The following SIX4 variants were observed in gnomAD, a reference collection of about 807,000 sequenced individuals.
The protein encoded by SIX4 is SIX homeobox 4, also known as homeobox protein SIX4.
Under a neutral mutation model 51.5 loss-of-function variants are expected in SIX4, and 23 were observed. The ratio of observed to expected loss-of-function variants is 0.45; its 90% CI spans 0.32 to 0.63. The LOEUF is 0.63. Among genes scored for constraint, SIX4 ranks in the 30% least tolerant of loss-of-function variants. SIX4 has a pLI of 0.04. For synonymous variants in SIX4, 413 were observed against 417.3 expected (o/e 0.99, Z 0.13); for missense variants, 867 against 984.0 (o/e 0.88, Z 1.59).
At position 60,723,838 on chromosome 14, in the gene SIX4, C is replaced by CCCTTCACAGAA. The variant is rs1437411864; in HGVS notation, c.236_237insTTCTGTGAAGG (p.Ala80SerfsTer74). ...AGTGGAGTTGTACCTGATCCGCCGC[C>CCCTTCACAGAA]GCTCCGGCCGCCGCCGCCGCCACTG... is the stretch of plus-strand genomic sequence containing the variant. On this transcript the variant is annotated frameshift_variant, in exon 1 of 3. Coordinates refer to ENST00000216513, the MANE Select transcript of SIX4 (RefSeq NM_017420.5). LOFTEE classifies it high-confidence loss of function. 3.9e-6 allele frequency: 6 copies of CCCTTCACAGAA among 1,521,952 alleles called. No homozygotes were observed. The Admixed American group carries it at 1.4e-4, about 35-fold the overall frequency. The allele number at this position is 1,521,952 out of a possible 1,614,324, so 94.3% of individuals were successfully genotyped here.
Position 60,709,964 on chromosome 14 carries a change from G to T in SIX4, c.*3443C>A, listed in dbSNP as rs1370829256. On this transcript the variant is annotated 3_prime_UTR_variant, in exon 3 of 3. Transcript: ENST00000216513. The surrounding 1 kb of genome is among the most constrained non-coding windows in gnomAD (Gnocchi z 4.1). ...AAATTAACATAAAATGTATCAATTA[G>T]ATACAAAGTAACTGCTAGGCTCTAT... 1.3e-5 allele frequency: 2 copies of T among 152,600 alleles called. No individual in the cohort carries two copies. The highest frequency in any genetic ancestry group is 2.9e-5 in the Non-Finnish European group (2 of 68,026). 9.5% of individuals were successfully genotyped at this position (152,600 alleles called of 1,614,324 possible). A position where few individuals can be genotyped will look rare whatever the true frequency, so the allele number is the denominator to read the frequency against.
rs2140268700 is a variant in SIX4 at position 60,717,179 on chromosome 14, A to T, written c.1549+2581T>A. ...AACCTCCACCTCCTGGGTTCAAGCG[A>T]TTCTCCTGCCTCAGCCTCCTAAGTA... On this transcript the variant is annotated intron_variant, in intron 2 of 2. Transcript: ENST00000216513. This position sits in a 1 kb window ranked among gnomAD's most constrained non-coding sequence, Gnocchi z 4.6. 1 of 210,156 alleles carries T rather than the reference A, an allele frequency of 4.8e-6. No individual in the cohort carries two copies. The highest frequency in any genetic ancestry group is 7.1e-5 in the South Asian group (1 of 14,168). 13.0% of individuals were successfully genotyped at this position (210,156 alleles called of 1,614,324 possible). A position where few individuals can be genotyped will look rare whatever the true frequency, so the allele number is the denominator to read the frequency against.
Position 60,723,911 on chromosome 14 carries a change from G to T in SIX4, c.164C>A (p.Pro55Gln), listed in dbSNP as rs1284785963. The change falls in exon 1 of 3, where the codon CCG becomes CAG. Residue 55 changes from proline (P) to glutamine (Q), a missense_variant. Coordinates refer to ENST00000216513, the MANE Select transcript of SIX4 (RefSeq NM_017420.5). ...GGCGGCAGCGGTCGCGGCGTCCCCC[G>T]GCTCCAGGGGAAAAGGGGCTGGAGC... ...PPAPAPFPLE[P>Q]GDAATAAARV... 4 of 1,516,536 alleles carry T rather than the reference G, an allele frequency of 2.6e-6. No individual in the cohort carries two copies. Among genetic ancestry groups the T allele is most frequent in the Non-Finnish European group, 3.5e-6 (4 of 1,146,754 alleles). The allele number at this position is 1,516,536 out of a possible 1,614,324, so 93.9% of individuals were successfully genotyped here. A position where few individuals can be genotyped will look rare whatever the true frequency, so the allele number is the denominator to read the frequency against.
rs543848316 is a variant in SIX4, at chr14:60,714,671, C to CTT, written c.1550-470_1550-469dup. ...TCAAAGGTTCTGTTGCTTATTATTT[C>CTT]TTTTTTTTTTTTTCAGATGGAGTCT... is the stretch of plus-strand genomic sequence containing the variant. On this transcript the variant is annotated intron_variant, in intron 2 of 2. Transcript: ENST00000216513. Among the ~76,000 whole-genome samples the CTT allele has an allele frequency of 2.8e-3, 409 of 143,678 alleles. 1 individual carries two copies. The highest frequency in any genetic ancestry group is 0.026 in the East Asian group (132 of 5,016). The allele number at this position is 143,678 out of a possible 152,430, so 94.3% of individuals were successfully genotyped here.
intron 2 of SIX4, among the ~76,000 whole-genome samples, chr14:60,718,783 T>C (rs1413659309): frequency 1.3e-5 from 2 of 152,204 alleles, no homozygotes; most frequent in Non-Finnish European, 2.9e-5. Flanking sequence ...TAGACCATAG[T>C]TGTGGTAACA....
chr14:60,714,337 G>T, intron 2 of SIX4, 134 bp from the exon 3 acceptor site: 2 of 744,088 alleles, frequency 2.7e-6, no homozygotes, highest in Non-Finnish European at 4.1e-6. Context: ...GCCCAATTCT[G>T]GTTCAGAATT....
In SIX4 at chr14:60,713,823, A is replaced by G; in HGVS notation, c.1930T>C (p.Ser644Pro). Residue 644 changes from serine (S) to proline (P), a missense_variant, in exon 3 of 3, where the codon TCT becomes CCT. Physicochemically the swap from Ser to Pro is moderately conservative, Grantham distance 74 (BLOSUM62 -1). Transcript: ENST00000216513. ...GTAGATTTGCTTGCCACCGGTGCAG[A>G]CATTGGTTGGCTATCGGCAATGTCG... ...NRDIADSQPMSAPVASKSTVT... is the reference protein window; with the variant it reads ...NRDIADSQPMPAPVASKSTVT... 1 of 1,614,188 alleles carries G rather than the reference A, an allele frequency of 6.2e-7. No individual in the cohort carries two copies. The highest frequency in any genetic ancestry group is 8.5e-7 in the Non-Finnish European group (1 of 1,180,036).
At position 60,719,623 on chromosome 14, in the gene SIX4, A is replaced by G. The variant is rs1288964783; in HGVS notation, c.1549+137T>C. 2.4e-5 allele frequency: 20 copies of G among 845,238 alleles called. No individual in the cohort carries two copies. Among genetic ancestry groups the G allele is most frequent in the Non-Finnish European group, 3.4e-5 (19 of 557,888 alleles). The allele number at this position is 845,238 out of a possible 1,614,324, so 52.4% of individuals were successfully genotyped here. ...TATTGTGAAAGAGGAGAATCACATC[A>G]AGGCTACTCTACAGCTTCGGCAGCT... On this transcript the variant is annotated intron_variant, in intron 2 of 2. Transcript: ENST00000216513. The surrounding 1 kb of genome is among the most constrained non-coding windows in gnomAD (Gnocchi z 4.9).
rs1020927937 is a variant in SIX4, at chr14:60,710,744, C to T, written c.*2663G>A. The T allele has an allele frequency of 3.3e-5, 5 of 152,580 alleles. No homozygotes were observed. Among genetic ancestry groups the T allele is most frequent in the Admixed American group, 2.0e-4 (3 of 15,284 alleles). 9.5% of individuals were successfully genotyped at this position (152,580 alleles called of 1,614,324 possible). ...ACTCCATTCACATATACATGGGCTG[C>T]ATACCAACTGGCCCTTATTCAACTG... On this transcript the variant is annotated 3_prime_UTR_variant, in exon 3 of 3. Transcript: ENST00000216513.
In SIX4 at chr14:60,723,957, C is replaced by T. The variant is rs1185688453; in HGVS notation, c.118G>A (p.Ala40Thr). The change falls in exon 1 of 3, where the codon GCG (alanine) becomes ACG (threonine). Residue 40 changes from alanine to threonine, a missense_variant. Ala to Thr is a moderately conservative substitution (Grantham distance 58). Coordinates refer to ENST00000216513, the MANE Select transcript of SIX4 (RefSeq NM_017420.5). The stretch of plus-strand genomic sequence containing the variant: ...GGAGCCGGGGGGCTCAGCCCTACCG[C>T]CGCGCCCCCCGCCACTTCTCGGTGC... ...EAHREVAGGA[A>T]VGLSPPAPAP... The T allele has an allele frequency of 6.6e-6, 10 of 1,510,020 alleles. No individual in the cohort carries two copies. In the South Asian group the frequency reaches 1.3e-4, roughly 20 times the overall value. 93.5% of individuals were successfully genotyped at this position (1,510,020 alleles called of 1,614,324 possible). A position where few individuals can be genotyped will look rare whatever the true frequency, so the allele number is the denominator to read the frequency against.
chr14:60,713,409 A>C lies in SIX4; in HGVS notation c.2344T>G (p.Ter782GlyextTer44). The stretch of plus-strand genomic sequence containing the variant: ...AAGAGGTGAGGAGGAAATAAAGTTC[A>C]TAAGTCTTGCATATCTTCATCCAGC... Reference protein sequence around the residue: ...VQLDEDMQDL* With the variant: ...VQLDEDMQDLG The change falls in exon 3 of 3, where the codon TGA (stop) becomes GGA (glycine). Residue 782 changes from the stop codon to glycine (G), a stop_lost. Coordinates refer to ENST00000216513, the MANE Select transcript of SIX4 (RefSeq NM_017420.5). 4 of 1,586,564 alleles carry C rather than the reference A, an allele frequency of 2.5e-6. No homozygotes were observed. Among genetic ancestry groups the C allele is most frequent in the Non-Finnish European group, 2.6e-6 (3 of 1,167,742 alleles).
At chr14:60,718,820 T>C (rs1235937359) in intron 2 of SIX4, among the ~76,000 whole-genome samples, 4 of 152,308 alleles carry the variant, frequency 2.6e-5, no homozygotes, top group Non-Finnish European at 5.9e-5. Flanking sequence ...ATTGATTTTT[T>C]TGGGGGGGTG....
rs545419875 is a variant in SIX4, at chr14:60,712,569, G to C, written c.*838C>G. ...TTAATATTGACCTTAATAGATTCCT[G>C]GTAAAAATCATTATTTTTAAAATCC... On this transcript the variant is annotated 3_prime_UTR_variant, in exon 3 of 3. Transcript: ENST00000216513. 2 of 152,376 alleles carry C rather than the reference G, an allele frequency of 1.3e-5. No individual in the cohort carries two copies. The highest frequency in any genetic ancestry group is 4.2e-4 in the South Asian group (2 of 4,816). 9.4% of individuals were successfully genotyped at this position (152,376 alleles called of 1,614,324 possible). A position where few individuals can be genotyped will look rare whatever the true frequency, so the allele number is the denominator to read the frequency against.
intron 2 of SIX4, among the ~76,000 whole-genome samples, chr14:60,716,811 C>A (rs1273866103): frequency 6.6e-6 from 1 of 152,118 alleles, no homozygotes; most frequent in Non-Finnish European, 1.5e-5. Context: ...AAATAAGTGC[C>A]ACAGGGCTGT....
rs550370923 is a variant in SIX4 at position 60,716,528 on chromosome 14, G to C, written c.1550-2325C>G. On this transcript the variant is annotated intron_variant, in intron 2 of 2. Transcript: ENST00000216513. ...GGCCTCCCAAAGTGCTGGGATTACA[G>C]GCATGAGCCACCGCGCCTGGCCAAT... is the stretch of plus-strand genomic sequence containing the variant. Among the ~76,000 whole-genome samples, 407 of 152,212 alleles carry C rather than the reference G, an allele frequency of 2.7e-3. 1 individual carries two copies. In the Middle Eastern group the frequency reaches 0.031, roughly 11 times the overall value.
rs1394340224 is a variant in SIX4, at chr14:60,714,192, CTGAGA to C, written c.1556_1560del (p.Ile519SerfsTer14). 5 of 1,582,182 alleles carry C rather than the reference CTGAGA, an allele frequency of 3.2e-6. No individual in the cohort carries two copies. Among genetic ancestry groups the C allele is most frequent in the African/African-American group, 1.4e-5 (1 of 73,260 alleles). The stretch of plus-strand genomic sequence containing the variant: ...CTTCCATCTGAAGTGCTTGAGCTTA[CTGAGA>C]TATTACCTAAAAAAAATAAAGTACT... On this transcript the variant is annotated frameshift_variant, in exon 3 of 3. Transcript: ENST00000216513. LOFTEE classifies it high-confidence loss of function.
Position 60,719,730 on chromosome 14 carries a change from G to C in SIX4, c.1549+30C>G. On this transcript the variant is annotated intron_variant, in intron 2 of 2. Coordinates refer to ENST00000216513, the MANE Select transcript of SIX4 (RefSeq NM_017420.5). The surrounding 1 kb of genome is among the most constrained non-coding windows in gnomAD (Gnocchi z 4.9). ...CAGCAGCTGATGAACACATTTGCTGGTGCATTAAGGTACCAAATGAGATTG... is the reference window on the plus strand; with the variant it reads ...CAGCAGCTGATGAACACATTTGCTGCTGCATTAAGGTACCAAATGAGATTG... 1 of 1,597,168 alleles carries C rather than the reference G, an allele frequency of 6.3e-7. No homozygotes were observed. Among genetic ancestry groups the C allele is most frequent in the Non-Finnish European group, 8.6e-7 (1 of 1,168,960 alleles).
chr14:60,720,288 T>C lies in SIX4; in HGVS notation c.1021A>G (p.Ile341Val). The C allele has an allele frequency of 6.2e-7, 1 of 1,614,210 alleles. No homozygotes were observed. Among genetic ancestry groups the C allele is most frequent in the Non-Finnish European group, 8.5e-7 (1 of 1,180,040 alleles). The change falls in exon 2 of 3, where the codon ATA becomes GTA. Residue 341 changes from isoleucine (I) to valine (V), a missense_variant. By Grantham distance (29) the Ile-to-Val change is conservative (BLOSUM62 3). Transcript: ENST00000216513. The surrounding 1 kb of genome is among the most constrained non-coding windows in gnomAD (Gnocchi z 5.5). The part of the protein sequence containing the change: ...VYMQQIGNAK[I>V]SLSSSGVLLN... ...AGAACTCCAGAAGAGCTTAATGATATCTTAGCATTTCCAATTTGTTGCATA... is the reference window on the plus strand; with the variant it reads ...AGAACTCCAGAAGAGCTTAATGATACCTTAGCATTTCCAATTTGTTGCATA...
chr14:60,720,174 T>G lies in SIX4; in HGVS notation c.1135A>C (p.Asn379His), dbSNP rs1895995908. ...FIQGPSGVIL[N>H]GLNVGNTQAV... ...TGTGTATTTCCCACATTTAATCCAT[T>G]AAGGATAACTCCACTGGGTCCCTGA... is the stretch of plus-strand genomic sequence containing the variant. The change falls in exon 2 of 3, where the codon AAT (asparagine) becomes CAT (histidine). Residue 379 changes from asparagine (N) to histidine (H), a missense_variant. Coordinates refer to ENST00000216513, the MANE Select transcript of SIX4 (RefSeq NM_017420.5). The surrounding 1 kb of genome is among the most constrained non-coding windows in gnomAD (Gnocchi z 5.5). 6.2e-7 allele frequency: 1 copy of G among 1,614,098 alleles called. No homozygotes were observed. The highest frequency in any genetic ancestry group is 8.5e-7 in the Non-Finnish European group (1 of 1,180,052).
Sources: allele counts gnomAD v4.1 joint callset (sites outside exome capture counted in the v4.1 genomes callset), GRCh38; gene constraint gnomAD v4.1.1; non-coding constraint Gnocchi (gnomAD v3.1); transcripts MANE v1.5; gene names NCBI Gene and HGNC (gene_info 2026-07-23, HGNC 2026-07-21).